MTMR8: variants seen among roughly 807,000 people sequenced by gnomAD.
MTMR8 encodes the protein phosphatidylinositol-3,5-bisphosphate 3-phosphatase MTMR8.
In MTMR8, 65 loss-of-function variants were observed where a neutral mutation model predicts 39.3. The observed-to-expected ratio is 1.65, with a 90% CI of 1.35 to 2.03. The LOEUF (loss-of-function observed/expected upper bound fraction) is 2.03, where lower values mean the gene tolerates loss of function less well. MTMR8 is among the 30% of genes most tolerant of loss of function. MTMR8 has a pLI of 0.00. For missense variants in MTMR8, 777 were observed against 538.9 expected (o/e 1.44, Z -4.37); for synonymous variants, 245 against 185.2 (o/e 1.32, Z -2.62).
intron 12 of MTMR8, among the ~76,000 whole-genome samples, chrX:64,307,215 T>C (rs1187266318): frequency 1.8e-5 from 2 of 112,117 alleles, no homozygotes; most frequent in Non-Finnish European, 3.8e-5. Flanking sequence ...TGTAGCTCTG[T>C]AGCTTCTGTA....
intron 12 of MTMR8, among the ~76,000 whole-genome samples, chrX:64,317,475 C>T (rs1455347072): frequency 3.6e-5 from 4 of 111,782 alleles, no homozygotes; most frequent in African/African-American, 1.3e-4. Context: ...TTCCACTCTG[C>T]TGTTGAGCTG....
Position 64,343,681 on chromosome X carries a change from C to G in MTMR8, c.905G>C (p.Ser302Thr). Residue 302 changes from serine (S) to threonine (T), a missense_variant, in exon 8 of 14, where the codon AGC becomes ACC. By Grantham distance (58) the Ser-to-Thr change is moderately conservative. Coordinates refer to ENST00000374852, the MANE Select transcript of MTMR8 (RefSeq NM_017677.4). ...TAACCACCCTGAGCTCTCCAGGCCG[C>G]TAAGAAATTCACTCATTGTTGGAGT... ...LKTPTMSEFL[S>T]GLESSGWLRH... 8.3e-7 allele frequency: 1 copy of G among 1,208,032 alleles called. No homozygotes were observed. Among genetic ancestry groups the G allele is most frequent in the Non-Finnish European group, 1.1e-6 (1 of 892,879 alleles).
Position 64,331,664 on chromosome X carries a change from A to G in MTMR8, c.1245T>C (p.Cys415=), listed in dbSNP as rs1922942438. The G allele has an allele frequency of 1.9e-5, 23 of 1,210,595 alleles. No homozygotes were observed. Among genetic ancestry groups the G allele is most frequent in the Non-Finnish European group, 2.3e-5 (21 of 894,598 alleles). ...CIWQLMEQFP[C]AFEFNENFLL... is the part of the protein sequence containing the mutation. ...GGAAGTTTTCATTAAACTCAAAGGC[A>G]CAGGGAAACTGTTCCATTAATTGCC... is the stretch of plus-strand genomic sequence containing the variant. Residue 415 remains cysteine, a synonymous_variant, in exon 11 of 14, where the codon TGT becomes TGC. Transcript: ENST00000374852.
At chrX:64,343,961 A>G (rs1348456387) in intron 7 of MTMR8, among the ~76,000 whole-genome samples, 1 of 111,007 alleles carries the variant, frequency 9.0e-6, no homozygotes, top group Non-Finnish European at 1.9e-5. Context: ...AAATCTCTCA[A>G]GAAGAGAGCC....
chrX:64,342,595 A>G (rs763942388), intron 8 of MTMR8, among the ~76,000 whole-genome samples: 2 of 112,611 alleles, frequency 1.8e-5, no homozygotes, highest in African/African-American at 3.2e-5. Context: ...TGAAAAAGGA[A>G]CAGAACAAAG....
intron 1 of MTMR8, among the ~76,000 whole-genome samples, chrX:64,363,895 C>A (rs894664268): frequency 1.8e-5 from 2 of 112,204 alleles, no homozygotes; most frequent in African/African-American, 3.2e-5. Flanking sequence ...AAATACTGTG[C>A]TTTTCCAACA....
At position 64,379,923 on chromosome X, in the gene MTMR8, GA is replaced by G. The variant is rs201801155; in HGVS notation, c.24+15416del. 3.0e-4 allele frequency among the ~76,000 whole-genome samples: 33 copies of G among 108,558 alleles called. 1 individual carries two copies. In the East Asian group the frequency reaches 8.9e-3, roughly 29 times the overall value. 94.3% of individuals were successfully genotyped at this position (108,558 alleles called of 115,157 possible). A position where few individuals can be genotyped will look rare whatever the true frequency, so the allele number is the denominator to read the frequency against. Reference sequence around the variant, plus strand: ...TCCATTACATCAACAAGCTAAAAAGGAAAAAAAAATCAGTGTCATACCACTA... The same window carrying G: ...TCCATTACATCAACAAGCTAAAAAGGAAAAAAAATCAGTGTCATACCACTA... On this transcript the variant is annotated intron_variant, in intron 1 of 13. Coordinates refer to ENST00000374852, the MANE Select transcript of MTMR8 (RefSeq NM_017677.4).
rs185245377 is a variant in MTMR8 at position 64,342,072 on chromosome X, T to G, written c.975+1539A>C. ...CAAGCTTATGGGGTCTTATTGGCAA[T>G]AGAATTGATAACCAATGGAGGATTT... On this transcript the variant is annotated intron_variant, in intron 8 of 13. Coordinates refer to ENST00000374852, the MANE Select transcript of MTMR8 (RefSeq NM_017677.4). Among the ~76,000 whole-genome samples, 14 of 112,233 alleles carry G rather than the reference T, an allele frequency of 1.2e-4. No individual in the cohort carries two copies. In the East Asian group the frequency reaches 3.1e-3, roughly 25 times the overall value.
chrX:64,317,963 G>T (rs941502369), intron 12 of MTMR8, among the ~76,000 whole-genome samples: 3 of 112,376 alleles, frequency 2.7e-5, no homozygotes, highest in Non-Finnish European at 3.8e-5. Context: ...CACCCTAGCT[G>T]CATTGGATAA....
chrX:64,360,361 CT>C (rs1481334338), intron 1 of MTMR8: 1 of 288,284 alleles, frequency 3.5e-6, no homozygotes, highest in African/African-American at 3.0e-5. Flanking sequence ...TTTTAATACT[CT>C]TCTTAGGAAC....
At chrX:64,375,618 G>A (rs1924248664) in intron 1 of MTMR8, among the ~76,000 whole-genome samples, 1 of 110,936 alleles carries the variant, frequency 9.0e-6, no homozygotes, top group Admixed American at 9.6e-5. Context: ...GCTCATAAAT[G>A]GGATTAGTGC....
chrX:64,268,206 G>T lies in MTMR8; in HGVS notation c.*331C>A, dbSNP rs1392725025. On this transcript the variant is annotated 3_prime_UTR_variant, in exon 14 of 14. Transcript: ENST00000374852. Reference sequence around the variant, plus strand: ...TCCACTTCACTTTCACATTACTGCAGTGAGGATAGAAAATAGGGCAGGTCG... The same window carrying T: ...TCCACTTCACTTTCACATTACTGCATTGAGGATAGAAAATAGGGCAGGTCG... 1 of 243,177 alleles carries T rather than the reference G, an allele frequency of 4.1e-6. No individual in the cohort carries two copies. Among genetic ancestry groups the T allele is most frequent in the Non-Finnish European group, 7.3e-6 (1 of 137,662 alleles). The allele number at this position is 243,177 out of a possible 1,213,427, so 20.0% of individuals were successfully genotyped here.
chrX:64,311,374 T>A (rs1330857505), intron 12 of MTMR8, among the ~76,000 whole-genome samples: 1 of 111,395 alleles, frequency 9.0e-6, no homozygotes, highest in African/African-American at 3.3e-5. Flanking sequence ...GTTTAAATTA[T>A]TTGTAGATTC....
intron 10 of MTMR8, among the ~76,000 whole-genome samples, chrX:64,333,662 C>T (rs966033329): frequency 1.8e-5 from 2 of 111,690 alleles, no homozygotes; most frequent in South Asian, 3.8e-4. Flanking sequence ...TTCTCTTCTA[C>T]CCCCTTGAGA....
intron 1 of MTMR8, among the ~76,000 whole-genome samples, chrX:64,370,037 G>A (rs758435763): frequency 9.0e-6 from 1 of 111,156 alleles, no homozygotes; most frequent in East Asian, 2.8e-4. Flanking sequence ...ATGCTTGCCT[G>A]AGATGGGGGA....
intron 12 of MTMR8, among the ~76,000 whole-genome samples, chrX:64,313,393 C>T (rs1922371476): frequency 8.9e-6 from 1 of 112,842 alleles, no homozygotes; most frequent in Non-Finnish European, 1.9e-5. Context: ...AGCTTCCTCA[C>T]TTTTCTCAGC....
intron 13 of MTMR8, among the ~76,000 whole-genome samples, chrX:64,269,744 CTTG>C (rs753989541): frequency 9.1e-6 from 1 of 110,104 alleles, no homozygotes; most frequent in African/African-American, 3.3e-5. Context: ...CATTTTTTAC[CTTG>C]TTGTATTCTG....
chrX:64,314,074 T>G (rs907058549), intron 12 of MTMR8, among the ~76,000 whole-genome samples: 2 of 112,483 alleles, frequency 1.8e-5, no homozygotes, highest in African/African-American at 6.5e-5. Context: ...CGGAACTCCA[T>G]GTGCTAACTC....
chrX:64,350,353 C>T (rs901068511), intron 4 of MTMR8, among the ~76,000 whole-genome samples: 2 of 110,260 alleles, frequency 1.8e-5, no homozygotes, highest in African/African-American at 3.3e-5. Flanking sequence ...TATTTGTGTC[C>T]GTTCATATTA....
Sources: gnomAD v4.1 joint callset for allele counts (sites outside exome capture counted in the v4.1 genomes callset) on GRCh38, gnomAD v4.1.1 for gene constraint, MANE v1.5 for transcripts, NCBI Gene and HGNC (gene_info 2026-07-23, HGNC 2026-07-21) for gene names.